The following TULP3 variants were observed in gnomAD, a reference collection of about 807,000 sequenced individuals.
The protein encoded by TULP3 is TUB like protein 3.
A neutral mutation model predicts 50.7 loss-of-function variants in TULP3; 38 were observed. The observed-to-expected ratio is 0.75, with a 90% CI of 0.58 to 0.98. The LOEUF is 0.98. TULP3 is among the 50% of genes least tolerant of loss of function. TULP3 has a pLI of 0.00. For synonymous variants in TULP3, 183 were observed against 196.6 expected (o/e 0.93, Z 0.58); for missense variants, 550 against 568.0 (o/e 0.97, Z 0.32).
intron 4 of TULP3, among the ~76,000 whole-genome samples, chr12:2,925,342 C>G (rs1253209039): frequency 6.6e-6 from 1 of 152,082 alleles, no homozygotes; most frequent in African/African-American, 2.4e-5. Flanking sequence ...GGCCTGACCT[C>G]CAGTTCCAAT....
intron 1 of TULP3, among the ~76,000 whole-genome samples, chr12:2,894,538 AACACACACACAC>A (rs56834874): frequency 1.0e-4 from 15 of 147,826 alleles, no homozygotes; most frequent in Admixed American, 1.4e-4. Flanking sequence ...CCGTCTCAAA[AACACACACACAC>A]ACACACACAC....
At chr12:2,907,935 C>T (rs367829148) in intron 1 of TULP3, among the ~76,000 whole-genome samples, 93 of 152,102 alleles carry the variant, frequency 6.1e-4, no homozygotes, top group Middle Eastern at 6.8e-3. Context: ...ATTGAGCACC[C>T]GGTGTTTTTT....
At chr12:2,927,189 T>C (rs142246434) in intron 4 of TULP3, among the ~76,000 whole-genome samples, 201 of 152,296 alleles carry the variant, frequency 1.3e-3, no homozygotes, top group African/African-American at 4.7e-3. Context: ...CTTCATGTTA[T>C]AACAAGTGTC....
intron 6 of TULP3, among the ~76,000 whole-genome samples, chr12:2,932,045 C>T (rs2098198375): frequency 2.0e-5 from 3 of 152,174 alleles, no homozygotes; most frequent in Non-Finnish European, 1.5e-5. Context: ...CTGCCACTCT[C>T]CTGCTTCCCT....
At chr12:2,909,855 A>G (rs576501814) in intron 2 of TULP3, among the ~76,000 whole-genome samples, 41 of 152,360 alleles carry the variant, frequency 2.7e-4, no homozygotes, top group Non-Finnish European at 2.9e-5. Flanking sequence ...CTGAGGAATT[A>G]GAAGAGTGTT....
intron 10 of TULP3, among the ~76,000 whole-genome samples, chr12:2,938,543 C>T (rs2098202868): frequency 6.6e-6 from 1 of 152,098 alleles, no homozygotes; most frequent in South Asian, 2.1e-4. Flanking sequence ...CGTCTGTAAT[C>T]CCAGCACTTT....
chr12:2,937,713 C>T lies in TULP3; in HGVS notation c.1007C>T (p.Pro336Leu), dbSNP rs770614137. The stretch of plus-strand genomic sequence containing the variant: ...ATGACACTGAATCATAAGCAGATCC[C>T]CTATCAGCCACAAAACGTGAGTAAG... ...PGMTLNHKQI[P>L]YQPQNNHDSL... The change falls in exon 9 of 11, where the codon CCC becomes CTC. Residue 336 changes from proline (P) to leucine (L), a missense_variant. Coordinates refer to ENST00000448120, the MANE Select transcript of TULP3 (RefSeq NM_003324.5). 7 of 1,612,780 alleles carry T rather than the reference C, an allele frequency of 4.3e-6. No individual in the cohort carries two copies. Among genetic ancestry groups the T allele is most frequent in the Middle Eastern group, 3.3e-4 (2 of 6,058 alleles).
Position 2,932,175 on chromosome 12 carries a change from G to A in TULP3, c.696+935G>A, listed in dbSNP as rs558821849. Among the ~76,000 whole-genome samples, 14 of 152,122 alleles carry A rather than the reference G, an allele frequency of 9.2e-5. 1 individual carries two copies. Among genetic ancestry groups the A allele is most frequent in the Admixed American group, 9.2e-4 (14 of 15,246 alleles). ...TAGAAAAAAGAGTATTTCCTCCCTG[G>A]AGAGGCTTCCCTTTTGTCCCTTCTT... On this transcript the variant is annotated intron_variant, in intron 6 of 10. Transcript: ENST00000448120.
chr12:2,938,106 T>A lies in TULP3; in HGVS notation c.1024-8T>A. The stretch of plus-strand genomic sequence containing the variant: ...TCAGTACAAAGTAATGATTTTCCCT[T>A]TGGACAGAACCATGACAGTTTGCTC... On this transcript the variant is annotated splice_region_variant and splice_polypyrimidine_tract_variant and intron_variant, in intron 9 of 10. Transcript: ENST00000448120. 6.2e-7 allele frequency: 1 copy of A among 1,614,114 alleles called. No individual in the cohort carries two copies. Among genetic ancestry groups the A allele is most frequent in the Non-Finnish European group, 8.5e-7 (1 of 1,180,004 alleles).
At chr12:2,915,049 C>T (rs147856300) in intron 2 of TULP3, among the ~76,000 whole-genome samples, 10 of 152,014 alleles carry the variant, frequency 6.6e-5, no homozygotes, top group African/African-American at 1.7e-4. Context: ...AGTGTAGTGG[C>T]ATGATCTTGG....
chr12:2,929,241 C>T (rs1823204495), intron 4 of TULP3, among the ~76,000 whole-genome samples: 1 of 151,796 alleles, frequency 6.6e-6, no homozygotes, highest in Non-Finnish European at 1.5e-5. Flanking sequence ...GGCGTGAACC[C>T]GGGAGGCGGA....
chr12:2,935,885 C>G (rs1322683708), intron 8 of TULP3, among the ~76,000 whole-genome samples: 5 of 152,098 alleles, frequency 3.3e-5, no homozygotes, highest in Admixed American at 1.3e-4. Context: ...AGAGGATCAC[C>G]TGAGTCTTAG....
At chr12:2,912,652 T>G (rs2098186304) in intron 2 of TULP3, among the ~76,000 whole-genome samples, 1 of 152,216 alleles carries the variant, frequency 6.6e-6, no homozygotes, top group Non-Finnish European at 1.5e-5. Flanking sequence ...TTAGCCAGTC[T>G]CGTAAGTGAT....
intron 2 of TULP3, among the ~76,000 whole-genome samples, chr12:2,915,091 C>T (rs141508544): frequency 2.6e-5 from 4 of 151,876 alleles, no homozygotes; most frequent in South Asian, 2.1e-4. Context: ...CGGGTTCAAG[C>T]GATTCTTATG....
At chr12:2,923,660 AAAAG>A (rs1432791203) in intron 4 of TULP3, among the ~76,000 whole-genome samples, 1 of 151,480 alleles carries the variant, frequency 6.6e-6, no homozygotes, top group East Asian at 1.9e-4. Context: ...AAAAAAAAAA[AAAAG>A]AAAAGAAAAA....
At chr12:2,929,276 CA>C (rs1446439557) in intron 4 of TULP3, among the ~76,000 whole-genome samples, 1 of 151,896 alleles carries the variant, frequency 6.6e-6, no homozygotes, top group Non-Finnish European at 1.5e-5. Flanking sequence ...GAGATCGCGC[CA>C]CTGCGCTCCA....
At chr12:2,920,033 T>TAAA (rs899279354) in intron 2 of TULP3, among the ~76,000 whole-genome samples, 1 of 140,774 alleles carries the variant, frequency 7.1e-6, no homozygotes, top group Non-Finnish European at 1.6e-5. Flanking sequence ...TAAGAAAACT[T>TAAA]AAAAAAAAAA....
chr12:2,903,469 G>A (rs908583901), intron 1 of TULP3, among the ~76,000 whole-genome samples: 1 of 151,440 alleles, frequency 6.6e-6, no homozygotes, highest in African/African-American at 2.4e-5. Context: ...GGCTGAGGCA[G>A]GAGAATTGCT....
chr12:2,921,160 C>T (rs781525768), intron 3 of TULP3, among the ~76,000 whole-genome samples: 11 of 151,756 alleles, frequency 7.2e-5, no homozygotes, highest in African/African-American at 1.7e-4. Context: ...TTTTTTGAGA[C>T]GGAGTTTTGC....
Sources: allele counts gnomAD v4.1 joint callset (sites outside exome capture counted in the v4.1 genomes callset), GRCh38; gene constraint gnomAD v4.1.1; transcripts MANE v1.5; gene names NCBI Gene and HGNC (gene_info 2026-07-23, HGNC 2026-07-21).